The following ADGRL3 variants were observed in gnomAD, a reference collection of about 807,000 sequenced individuals.
ADGRL3 encodes calcium-independent alpha-latrotoxin receptor 3.
In ADGRL3, 62 loss-of-function variants were observed where a neutral mutation model predicts 153.5. That is an observed-to-expected ratio of 0.40 (90% confidence interval 0.33 to 0.50). The LOEUF is 0.50. Ranked by LOEUF, ADGRL3 falls within the 20% of genes least tolerant of loss-of-function variation. ADGRL3 has a pLI of 0.47. For missense variants in ADGRL3, 1,641 were observed against 1,859.4 expected (o/e 0.88, Z 2.16); for synonymous variants, 710 against 672.5 (o/e 1.06, Z -0.86).
At chr4:61,861,778 C>T (rs1484545810) in intron 9 of ADGRL3, among the ~76,000 whole-genome samples, 3 of 152,046 alleles carry the variant, frequency 2.0e-5, no homozygotes, top group East Asian at 2.0e-4. Context: ...GAGGTGACTT[C>T]GGTGAATGGA....
chr4:61,207,191 C>A (rs1322747834), intron 1 of ADGRL3, among the ~76,000 whole-genome samples: 2 of 151,908 alleles, frequency 1.3e-5, no homozygotes, highest in African/African-American at 4.8e-5. Context: ...TAATGCTATC[C>A]CTCCCCTAGC....
intron 24 of ADGRL3, among the ~76,000 whole-genome samples, chr4:62,038,933 G>GA (rs891823665): frequency 7.3e-5 from 11 of 150,210 alleles, no homozygotes; most frequent in Non-Finnish European, 1.2e-4. Context: ...TGATTCAGTA[G>GA]AAAAAAAAAG....
intron 19 of ADGRL3, among the ~76,000 whole-genome samples, chr4:61,987,703 C>T (rs1277430362): frequency 6.6e-6 from 1 of 152,084 alleles, no homozygotes; most frequent in Non-Finnish European, 1.5e-5. Flanking sequence ...TTATTAAGCT[C>T]AATACAGTAA....
intron 5 of ADGRL3, 35 bp downstream of exon 5, chr4:61,587,475 A>G: frequency 6.9e-7 from 1 of 1,446,494 alleles, no homozygotes; most frequent in Non-Finnish European, 9.6e-7. Context: ...CTTTGTGCAC[A>G]ATATAAACCT....
chr4:61,979,104 A>G (rs1006099562), intron 17 of ADGRL3, among the ~76,000 whole-genome samples: 26 of 152,170 alleles, frequency 1.7e-4, no homozygotes, highest in African/African-American at 5.8e-4. Context: ...TGCATTTTTA[A>G]TTTTAAAACT....
intron 4 of ADGRL3, among the ~76,000 whole-genome samples, chr4:61,563,137 C>T (rs1287134660): frequency 6.6e-6 from 1 of 151,986 alleles, no homozygotes; most frequent in Non-Finnish European, 1.5e-5. Flanking sequence ...TGAAATTACT[C>T]GATCTATAGA....
In ADGRL3 at chr4:61,457,495, T is replaced by G. The variant is rs569476581; in HGVS notation, c.-173-39626T>G. On this transcript the variant is annotated intron_variant, in intron 2 of 26. Transcript: ENST00000683033. ...CTCAGCTTAAATCATGTAACAGTTA[T>G]GTTCTGCAGCAGCTTGGTTTGAAAT... 2.6e-5 allele frequency among the ~76,000 whole-genome samples: 4 copies of G among 152,114 alleles called. No homozygotes were observed. The East Asian group carries it at 7.7e-4, about 29-fold the overall frequency.
At chr4:61,356,202 C>A (rs979629706) in intron 1 of ADGRL3, among the ~76,000 whole-genome samples, 4 of 151,974 alleles carry the variant, frequency 2.6e-5, no homozygotes, top group Non-Finnish European at 5.9e-5. Context: ...GATTACGCAT[C>A]TACTGATATT....
At chr4:61,652,519 A>G (rs1434698844) in intron 5 of ADGRL3, among the ~76,000 whole-genome samples, 1 of 152,112 alleles carries the variant, frequency 6.6e-6, no homozygotes, top group African/African-American at 2.4e-5. Context: ...AATATAACCC[A>G]TCTCTCCTAC....
intron 5 of ADGRL3, among the ~76,000 whole-genome samples, chr4:61,660,359 C>T (rs987557748): frequency 6.6e-6 from 1 of 152,082 alleles, no homozygotes; most frequent in Non-Finnish European, 1.5e-5. Flanking sequence ...ACAATTGTTA[C>T]TTTGAAAATT....
chr4:61,863,557 T>C (rs2098370440), intron 9 of ADGRL3, among the ~76,000 whole-genome samples: 1 of 152,174 alleles, frequency 6.6e-6, no homozygotes, highest in African/African-American at 2.4e-5. Context: ...TCTTTCTCAC[T>C]CATTCCATTC....
At chr4:61,364,932 G>A (rs974870) in intron 1 of ADGRL3, among the ~76,000 whole-genome samples, 7,244 of 152,178 alleles carry the variant, frequency 0.048, 541 homozygotes, top group African/African-American at 0.16. Flanking sequence ...ATAATTCAGT[G>A]CTCATATTCT....
intron 4 of ADGRL3, among the ~76,000 whole-genome samples, chr4:61,535,277 C>T (rs925375258): frequency 6.6e-6 from 1 of 151,902 alleles, no homozygotes; most frequent in Non-Finnish European, 1.5e-5. Context: ...TCCTTGCATC[C>T]TTGGAATAAG....
chr4:61,657,185 C>T (rs2094464584), intron 5 of ADGRL3, among the ~76,000 whole-genome samples: 1 of 152,106 alleles, frequency 6.6e-6, no homozygotes, highest in South Asian at 2.1e-4. Flanking sequence ...ATATAACTTG[C>T]TTCCAACTGA....
chr4:61,580,956 C>G (rs1040951661), intron 4 of ADGRL3, among the ~76,000 whole-genome samples: 1 of 151,982 alleles, frequency 6.6e-6, no homozygotes, highest in African/African-American at 2.4e-5. Context: ...GGGAAGAATA[C>G]TGGAAGAGTA....
intron 2 of ADGRL3, among the ~76,000 whole-genome samples, chr4:61,384,229 C>T (rs2096708755): frequency 6.6e-6 from 1 of 151,580 alleles, no homozygotes; most frequent in Admixed American, 6.6e-5. Context: ...TCATTGTTTT[C>T]TTCCCCCTAT....
intron 9 of ADGRL3, among the ~76,000 whole-genome samples, chr4:61,834,407 C>T (rs970608524): frequency 2.6e-5 from 4 of 152,022 alleles, no homozygotes; most frequent in African/African-American, 9.7e-5. Flanking sequence ...GTGAATAGTG[C>T]CACAATAAAC....
chr4:61,625,096 T>C (rs538191851), intron 5 of ADGRL3, among the ~76,000 whole-genome samples: 1 of 152,186 alleles, frequency 6.6e-6, no homozygotes, highest in African/African-American at 2.4e-5. Flanking sequence ...TAAAACAATG[T>C]CATGTGAACT....
intron 2 of ADGRL3, among the ~76,000 whole-genome samples, chr4:61,404,006 A>C (rs1403105557): frequency 1.3e-5 from 2 of 151,940 alleles, no homozygotes; most frequent in Non-Finnish European, 2.9e-5. Context: ...AAATACAGTC[A>C]CTTTGGGGTT....
Sources: allele counts gnomAD v4.1 joint callset (sites outside exome capture counted in the v4.1 genomes callset), GRCh38; gene constraint gnomAD v4.1.1; transcripts MANE v1.5; gene names NCBI Gene and HGNC (gene_info 2026-07-23, HGNC 2026-07-21).